The following UBTD1 variants were observed in gnomAD, a reference collection of about 807,000 sequenced individuals.
UBTD1 encodes ubiquitin domain-containing protein 1.
UBTD1 carries 19 observed loss-of-function variants against 21.7 expected under a neutral mutation model. The ratio of observed to expected loss-of-function variants is 0.87; its 90% confidence interval spans 0.61 to 1.28. UBTD1 has a LOEUF of 1.28. Ranked by LOEUF, UBTD1 falls within the 50% of genes most tolerant of loss-of-function variation. The probability of loss-of-function intolerance (pLI) is 0.00; values close to 1 mark genes in which losing one functional copy is unlikely to be tolerated. For synonymous variants in UBTD1, 116 were observed against 135.1 expected, an observed-to-expected ratio of 0.86 and a Z score of 0.98; for missense variants, 282 against 315.1, an observed-to-expected ratio of 0.89 and a Z score of 0.80.
At chr10:97,538,433 C>T (rs1045488634) in intron 1 of UBTD1, among the ~76,000 whole-genome samples, 1 of 152,128 alleles carries the variant, frequency 6.6e-6, no homozygotes, top group African/African-American at 2.4e-5. Context: ...TAACAGATTA[C>T]AAAGATTTCC....
At chr10:97,536,928 G>T (rs1158179355) in intron 1 of UBTD1, among the ~76,000 whole-genome samples, 1 of 152,090 alleles carries the variant, frequency 6.6e-6, no homozygotes, top group Admixed American at 6.6e-5. Context: ...GTGAGGGAGA[G>T]ACCAGGGCCC....
intron 1 of UBTD1, among the ~76,000 whole-genome samples, chr10:97,547,382 T>C (rs550065708): frequency 6.6e-6 from 1 of 152,266 alleles, no homozygotes; most frequent in East Asian, 1.9e-4. Context: ...TTTTATTTAT[T>C]AGCCACCATC....
chr10:97,526,282 A>C (rs1564737804), intron 1 of UBTD1, among the ~76,000 whole-genome samples: 1 of 152,224 alleles, frequency 6.6e-6, no homozygotes, highest in South Asian at 2.1e-4. Context: ...CCTTAAAACT[A>C]TCCCTGCTCT....
intron 2 of UBTD1, among the ~76,000 whole-genome samples, chr10:97,569,441 G>GT (rs1463971049): frequency 1.3e-5 from 2 of 152,216 alleles, no homozygotes; most frequent in Admixed American, 6.5e-5. Context: ...TAATATGCCA[G>GT]GATGAACAAG....
chr10:97,520,683 G>A (rs1010598737), intron 1 of UBTD1, among the ~76,000 whole-genome samples: 10 of 152,138 alleles, frequency 6.6e-5, no homozygotes, highest in Admixed American at 6.5e-4. Flanking sequence ...CCCACCCCTG[G>A]CCAGGGCTGC....
intron 1 of UBTD1, among the ~76,000 whole-genome samples, chr10:97,545,555 A>C (rs2040607016): frequency 6.6e-6 from 1 of 152,198 alleles, no homozygotes; most frequent in Non-Finnish European, 1.5e-5. Flanking sequence ...GTGATTTATT[A>C]GGATAATCTT....
intron 1 of UBTD1, among the ~76,000 whole-genome samples, chr10:97,557,464 C>A (rs1229097543): frequency 6.6e-6 from 1 of 152,024 alleles, no homozygotes; most frequent in Non-Finnish European, 1.5e-5. Context: ...TAAACAGGAT[C>A]TTTTTTATCT....
intron 1 of UBTD1, among the ~76,000 whole-genome samples, chr10:97,545,021 C>T (rs898446894): frequency 1.2e-4 from 18 of 151,744 alleles, no homozygotes; most frequent in Admixed American, 8.5e-4. Context: ...AAGGGTCAAC[C>T]GTATGATGAC....
chr10:97,550,527 C>T (rs2040631985), intron 1 of UBTD1, among the ~76,000 whole-genome samples: 2 of 152,124 alleles, frequency 1.3e-5, no homozygotes, highest in African/African-American at 4.8e-5. Context: ...GCTGTAACTC[C>T]TCCACCCCTC....
chr10:97,538,674 C>T (rs2040574171), intron 1 of UBTD1, among the ~76,000 whole-genome samples: 1 of 152,180 alleles, frequency 6.6e-6, no homozygotes, highest in Non-Finnish European at 1.5e-5. Flanking sequence ...TGAGCAGTTT[C>T]TACTTTAACA....
intron 1 of UBTD1, among the ~76,000 whole-genome samples, chr10:97,537,089 G>A (rs896992814): frequency 1.3e-5 from 2 of 152,054 alleles, no homozygotes; most frequent in Admixed American, 1.3e-4. Flanking sequence ...TGTCTGAGGA[G>A]GTGCTCTTTA....
intron 1 of UBTD1, among the ~76,000 whole-genome samples, chr10:97,540,623 T>C (rs1033057460): frequency 6.6e-6 from 1 of 152,250 alleles, no homozygotes; most frequent in African/African-American, 2.4e-5. Context: ...ATACGGAAAC[T>C]GAGGTTCTCA....
Position 97,515,290 on chromosome 10 carries a change from G to A in UBTD1, c.70+16017G>A, listed in dbSNP as rs539277652. On this transcript the variant is annotated intron_variant, in intron 1 of 2. Coordinates refer to ENST00000370664, the MANE Select transcript of UBTD1 (RefSeq NM_024954.5). ...CATTTAATTTAAGTTGTGTGTGGCTGAGTTACACATTTTATAGAGAGAGTA... is the reference window on the plus strand; with the variant it reads ...CATTTAATTTAAGTTGTGTGTGGCTAAGTTACACATTTTATAGAGAGAGTA... Among the ~76,000 whole-genome samples, 15 of 152,346 alleles carry A rather than the reference G, an allele frequency of 9.8e-5. No individual in the cohort carries two copies. In the East Asian group the frequency reaches 2.7e-3, roughly 27 times the overall value.
chr10:97,516,755 A>G (rs576038305), intron 1 of UBTD1, among the ~76,000 whole-genome samples: 2 of 151,818 alleles, frequency 1.3e-5, no homozygotes, highest in Admixed American at 6.6e-5. Context: ...TGGGCAACAG[A>G]GTGAGACTCT....
chr10:97,521,674 G>T (rs891801266), intron 1 of UBTD1, among the ~76,000 whole-genome samples: 1 of 152,246 alleles, frequency 6.6e-6, no homozygotes, highest in Non-Finnish European at 1.5e-5. Flanking sequence ...GGAGCTCTGT[G>T]TTCTGGGTCC....
chr10:97,522,029 A>T (rs1053240738), intron 1 of UBTD1, among the ~76,000 whole-genome samples: 1 of 152,218 alleles, frequency 6.6e-6, no homozygotes, highest in Non-Finnish European at 1.5e-5. Flanking sequence ...CACAACATCA[A>T]GTTTCTATAG....
chr10:97,513,538 G>A (rs1429502567), intron 1 of UBTD1, among the ~76,000 whole-genome samples: 1 of 152,150 alleles, frequency 6.6e-6, no homozygotes, highest in Non-Finnish European at 1.5e-5. Flanking sequence ...TTGTAGAAGG[G>A]TTAGTGATTT....
intron 1 of UBTD1, among the ~76,000 whole-genome samples, chr10:97,526,670 G>A (rs772840709): frequency 6.6e-6 from 1 of 151,888 alleles, no homozygotes; most frequent in Non-Finnish European, 1.5e-5. Context: ...GGCCAACATG[G>A]TGAAACCCCA....
chr10:97,550,227 C>T (rs1300472461), intron 1 of UBTD1, among the ~76,000 whole-genome samples: 2 of 152,212 alleles, frequency 1.3e-5, no homozygotes, highest in African/African-American at 4.8e-5. Context: ...CTGTTGGCCC[C>T]ATCCCTGGAG....
Sources: allele counts gnomAD v4.1 joint callset (sites outside exome capture counted in the v4.1 genomes callset), GRCh38; gene constraint gnomAD v4.1.1; transcripts MANE v1.5; gene names NCBI Gene and HGNC (gene_info 2026-07-23, HGNC 2026-07-21).